The following SCAMP3 variants were observed in gnomAD, a reference collection of about 807,000 sequenced individuals.
SCAMP3 encodes secretory carrier-associated membrane protein 3.
Under a neutral mutation model 44.1 loss-of-function variants are expected in SCAMP3, and 30 were observed. The ratio of observed to expected loss-of-function variants is 0.68; its 90% CI spans 0.51 to 0.92. The LOEUF (loss-of-function observed/expected upper bound fraction) is 0.92, where lower values mean the gene tolerates loss of function less well. Ranked by LOEUF, SCAMP3 falls within the 40% of genes least tolerant of loss-of-function variation. The pLI is 0.00. For missense variants in SCAMP3, 394 were observed against 440.0 expected, an observed-to-expected ratio of 0.90 and a Z score of 0.93; for synonymous variants, 168 against 171.1, an observed-to-expected ratio of 0.98 and a Z score of 0.14.
rs768399905 is a variant in SCAMP3, at chr1:155,258,956, T to C, written c.389-2A>G. 1.2e-6 allele frequency: 2 copies of C among 1,607,302 alleles called. No homozygotes were observed. Among genetic ancestry groups the C allele is most frequent in the East Asian group, 2.2e-5 (1 of 44,558 alleles). ...GAGGGGGCCAATTGTTCTGTCGAGC[T>C]GTAAGGCACAAAAAAACAGGTGGAC... On this transcript the variant is annotated splice_acceptor_variant, in intron 4 of 8. Coordinates refer to ENST00000302631, the MANE Select transcript of SCAMP3 (RefSeq NM_005698.4). LOFTEE classifies it high-confidence loss of function.
At chr1:155,259,761 T>C (rs949517827) in intron 4 of SCAMP3, among the ~76,000 whole-genome samples, 13 of 152,346 alleles carry the variant, frequency 8.5e-5, no homozygotes, top group African/African-American at 2.6e-4. Flanking sequence ...ATCTAAGCAC[T>C]GTACCAAGTA....
rs1365642282 is a variant in SCAMP3 at position 155,256,276 on chromosome 1, C to A, written c.1041G>T (p.Pro347=). 1.3e-6 allele frequency: 2 copies of A among 1,568,102 alleles called. No individual in the cohort carries two copies. Among genetic ancestry groups the A allele is most frequent in the East Asian group, 2.3e-5 (1 of 44,020 alleles). ...GCCAGGGCATCCCAGTCAGGGGTCACGGGGCCCGGAAGGCATTTTCAGCAG... is the reference window on the plus strand; with the variant it reads ...GCCAGGGCATCCCAGTCAGGGGTCAAGGGGCCCGGAAGGCATTTTCAGCAG... ...AGAAENAFRA[P] Residue 347 remains proline, a synonymous_variant, in exon 9 of 9, where the codon CCG becomes CCT. Coordinates refer to ENST00000302631, the MANE Select transcript of SCAMP3 (RefSeq NM_005698.4).
chr1:155,261,907 G>A (rs562272501), intron 1 of SCAMP3, 173 bp from the exon 2 acceptor site: 3 of 793,302 alleles, frequency 3.8e-6, no homozygotes, highest in Admixed American at 4.7e-5. Context: ...GCCAGCACCA[G>A]CCCATTAAGG....
At chr1:155,260,257 CGA>C (rs974065771) in intron 4 of SCAMP3, 71 bp downstream of exon 4, 5 of 1,580,012 alleles carry the variant, frequency 3.2e-6, no homozygotes, top group African/African-American at 1.3e-5. Context: ...CGCACCCAGC[CGA>C]GCCCAGGCCC....
Position 155,261,674 on chromosome 1 carries a change from G to A in SCAMP3, c.127C>T (p.Pro43Ser). 6.2e-7 allele frequency: 1 copy of A among 1,614,068 alleles called. No homozygotes were observed. The highest frequency in any genetic ancestry group is 8.5e-7 in the Non-Finnish European group (1 of 1,179,976). Reference protein sequence around the residue: ...RQYATLDVYNPFETREPPPAY... With the variant: ...RQYATLDVYNSFETREPPPAY... ...TAGCTCACCTCCCGGGTCTCAAAAG[G>A]GTTGTAGACGTCAAGCGTGGCATAC... is the stretch of plus-strand genomic sequence containing the variant. The change falls in exon 2 of 9, where the codon CCT becomes TCT. Residue 43 changes from proline (P) to serine (S), a missense_variant. Pro to Ser is a moderately conservative substitution (Grantham distance 74). Transcript: ENST00000302631.
chr1:155,257,863 G>T (rs1266724398), intron 5 of SCAMP3, among the ~76,000 whole-genome samples: 1 of 149,202 alleles, frequency 6.7e-6, no homozygotes, highest in Non-Finnish European at 1.5e-5. Context: ...TTTTTTTTTT[G>T]AGACGGAGTC....
At position 155,256,308 on chromosome 1, in the gene SCAMP3, C is replaced by A. The variant is rs769722791; in HGVS notation, c.1009G>T (p.Ala337Ser). 6.3e-7 allele frequency: 1 copy of A among 1,596,262 alleles called. No homozygotes were observed. Among genetic ancestry groups the A allele is most frequent in the Non-Finnish European group, 8.6e-7 (1 of 1,167,432 alleles). Residue 337 changes from alanine to serine, a missense_variant, in exon 9 of 9, where the codon GCT (alanine) becomes TCT (serine). Ala to Ser is a moderately conservative substitution (Grantham distance 99, BLOSUM62 1). Coordinates refer to ENST00000302631, the MANE Select transcript of SCAMP3 (RefSeq NM_005698.4). Reference protein sequence around the residue: ...AVRTAAANAAAGAAENAFRAP With the variant: ...AVRTAAANAASGAAENAFRAP ...CGGAAGGCATTTTCAGCAGCCCCAGCGGCTGCATTGGCAGCTGCGGTTCGC... is the reference window on the plus strand; with the variant it reads ...CGGAAGGCATTTTCAGCAGCCCCAGAGGCTGCATTGGCAGCTGCGGTTCGC...
In SCAMP3 at chr1:155,261,410, G is replaced by T. The variant is rs143603776; in HGVS notation, c.144+247C>A. On this transcript the variant is annotated intron_variant, in intron 2 of 8. Coordinates refer to ENST00000302631, the MANE Select transcript of SCAMP3 (RefSeq NM_005698.4). ...AGAAAGCCTTCCCATACAGAACATT[G>T]GTTAAGGCCTTGCCAGCCTCCAGAT... 2,828 of 557,138 alleles carry T rather than the reference G, an allele frequency of 5.1e-3. 11 individuals carry two copies. The highest frequency in any genetic ancestry group is 7.2e-3 in the Non-Finnish European group (2,233 of 308,700). The allele number at this position is 557,138 out of a possible 1,614,324, so 34.5% of individuals were successfully genotyped here.
intron 4 of SCAMP3, 82 bp from the exon 5 acceptor site, chr1:155,259,036 T>G: frequency 9.0e-6 from 9 of 1,000,408 alleles, no homozygotes; most frequent in Non-Finnish European, 1.3e-5. Context: ...TCTCCATCCC[T>G]GGATCCTCTC....
intron 2 of SCAMP3, 110 bp from the exon 3 acceptor site, chr1:155,260,769 C>T (rs1672938209): frequency 5.1e-6 from 5 of 972,030 alleles, no homozygotes; most frequent in African/African-American, 4.9e-5. Flanking sequence ...AGCAGCCTTT[C>T]CCCCATTTGT....
At chr1:155,259,046 CTTTTTTTTTTT>C (rs34682738) in intron 4 of SCAMP3, 92 bp from the exon 5 acceptor site, 6 of 487,582 alleles carry the variant, frequency 1.2e-5, no homozygotes, top group Admixed American at 5.7e-5. Context: ...TGGATCCTCT[CTTTTTTTTTTT>C]TTTTTTTTTT....
In SCAMP3 at chr1:155,256,718, G is replaced by A. The variant is rs1310506198; in HGVS notation, c.853C>T (p.Leu285Phe). ...CCTAGCACAGCAATGCCAGTGAAGA[G>A]CAGGGCGACCAGCAGCATGAGCACG... ...VSVLMLLVAL[L>F]FTGIAVLGIV... The change falls in exon 8 of 9, where the codon CTC (leucine) becomes TTC (phenylalanine). Residue 285 changes from leucine (L) to phenylalanine (F), a missense_variant. Transcript: ENST00000302631. 6.2e-7 allele frequency: 1 copy of A among 1,614,118 alleles called. No individual in the cohort carries two copies. Among genetic ancestry groups the A allele is most frequent in the Non-Finnish European group, 8.5e-7 (1 of 1,180,050 alleles).
At chr1:155,259,996 G>GGCTGGAGTGCAGTGGC (rs1454912589) in intron 4 of SCAMP3, among the ~76,000 whole-genome samples, 1 of 149,756 alleles carries the variant, frequency 6.7e-6, no homozygotes, top group Non-Finnish European at 1.5e-5. Context: ...TCTGTCACCA[G>GGCTGGAGTGCAGTGGC]GCTGGAGTGC....
At chr1:155,257,771 C>A (rs542869973) in intron 5 of SCAMP3, 114 bp from the exon 6 acceptor site, 2 of 963,556 alleles carry the variant, frequency 2.1e-6, no homozygotes, top group East Asian at 5.3e-5. Flanking sequence ...GAAATGAAGG[C>A]AGCTGCTGCC....
chr1:155,258,893 C>G lies in SCAMP3; in HGVS notation c.450G>C (p.Gln150His). ...CTTGGGGGATCTCCATGGAGATGTC[C>G]TGGAAAAAGCAGGGCTGAACTGGAC... Reference protein sequence around the residue: ...SFCPVQPCFFQDISMEIPQEF... With the variant: ...SFCPVQPCFFHDISMEIPQEF... Residue 150 changes from glutamine to histidine, a missense_variant, in exon 5 of 9, where the codon CAG becomes CAC. Transcript: ENST00000302631. 6.2e-7 allele frequency: 1 copy of G among 1,613,202 alleles called. No individual in the cohort carries two copies. The highest frequency in any genetic ancestry group is 8.5e-7 in the Non-Finnish European group (1 of 1,179,580).
chr1:155,261,974 G>A, intron 1 of SCAMP3, 112 bp downstream of exon 1: 1 of 1,108,636 alleles, frequency 9.0e-7, no homozygotes, highest in Non-Finnish European at 1.3e-6. Flanking sequence ...ACCCCACGTG[G>A]CGGCTCTTCC....
At position 155,256,289 on chromosome 1, in the gene SCAMP3, G is replaced by T; in HGVS notation, c.1028C>A (p.Ala343Asp). The T allele has an allele frequency of 6.3e-7, 1 of 1,581,898 alleles. No individual in the cohort carries two copies. Among genetic ancestry groups the T allele is most frequent in the Non-Finnish European group, 8.6e-7 (1 of 1,159,644 alleles). Residue 343 changes from alanine to aspartate, a missense_variant, in exon 9 of 9, where the codon GCC becomes GAC. Coordinates refer to ENST00000302631, the MANE Select transcript of SCAMP3 (RefSeq NM_005698.4). ...ANAAAGAAEN[A>D]FRAP ...AGTCAGGGGTCACGGGGCCCGGAAG[G>T]CATTTTCAGCAGCCCCAGCGGCTGC...
rs779761545 is a variant in SCAMP3, at chr1:155,256,342, G to A, written c.975C>T (p.Asn325=). Residue 325 remains asparagine (N), a synonymous_variant, in exon 9 of 9, where the codon AAC becomes AAT. Transcript: ENST00000302631. ...QQEFAAGVFS[N]PAVRTAAANA... ...TGGCAGCTGCGGTTCGCACCGCAGG[G>A]TTGGAGAAGACACCAGCAGCAAATT... 6 of 1,609,740 alleles carry A rather than the reference G, an allele frequency of 3.7e-6. No individual in the cohort carries two copies. The Admixed American group carries it at 8.4e-5, about 22-fold the overall frequency.
In SCAMP3 at chr1:155,262,246, C is replaced by T; in HGVS notation, c.-95G>A. The T allele has an allele frequency of 9.0e-7, 1 of 1,112,944 alleles. No homozygotes were observed. Among genetic ancestry groups the T allele is most frequent in the Non-Finnish European group, 1.3e-6 (1 of 766,872 alleles). 68.9% of individuals were successfully genotyped at this position (1,112,944 alleles called of 1,614,324 possible). A position where few individuals can be genotyped will look rare whatever the true frequency, so the allele number is the denominator to read the frequency against. On this transcript the variant is annotated 5_prime_UTR_variant, in exon 1 of 9. Coordinates refer to ENST00000302631, the MANE Select transcript of SCAMP3 (RefSeq NM_005698.4). ...CCCTCAGAGTCCACTTCACTCGCCT[C>T]AGTTCGCCCCGCTTCTCTGTGCACG...
Sources: gnomAD v4.1 joint callset for allele counts (sites outside exome capture counted in the v4.1 genomes callset) on GRCh38, gnomAD v4.1.1 for gene constraint, MANE v1.5 for transcripts, NCBI Gene and HGNC (gene_info 2026-07-23, HGNC 2026-07-21) for gene names.